ACAA1: variants seen among roughly 807,000 people sequenced by gnomAD.
The protein encoded by ACAA1 is 3-ketoacyl-CoA thiolase, peroxisomal.
Under a neutral mutation model 48.8 loss-of-function variants are expected in ACAA1, and 44 were observed. The observed-to-expected ratio is 0.90, with a 90% confidence interval of 0.71 to 1.16. The LOEUF is 1.16. ACAA1 is among the 50% of genes most tolerant of loss of function. ACAA1 has a pLI of 0.00. For missense variants in ACAA1, 512 were observed against 562.3 expected, an observed-to-expected ratio of 0.91 and a Z score of 0.90; for synonymous variants, 233 against 226.5, an observed-to-expected ratio of 1.03 and a Z score of -0.26.
chr3:38,123,151 C>A lies in ACAA1; in HGVS notation c.1200-29G>T, dbSNP rs182939941. ...TGAAAACAAAACTTAATTGGCTGGG[C>A]AAAGGCACCCACCAAATTACCTCCA... On this transcript the variant is annotated intron_variant, in intron 11 of 11. Coordinates refer to ENST00000333167, the MANE Select transcript of ACAA1 (RefSeq NM_001607.4). 2.1e-5 allele frequency: 34 copies of A among 1,609,028 alleles called. No individual in the cohort carries two copies. In the East Asian group the frequency reaches 7.1e-4, roughly 34 times the overall value.
chr3:38,122,847 T>G lies in ACAA1; in HGVS notation c.*200A>C. 1.3e-6 allele frequency: 1 copy of G among 799,376 alleles called. No individual in the cohort carries two copies. Among genetic ancestry groups the G allele is most frequent in the Non-Finnish European group, 1.9e-6 (1 of 519,634 alleles). 49.5% of individuals were successfully genotyped at this position (799,376 alleles called of 1,614,324 possible). A position where few individuals can be genotyped will look rare whatever the true frequency, so the allele number is the denominator to read the frequency against. On this transcript the variant is annotated 3_prime_UTR_variant, in exon 12 of 12. Coordinates refer to ENST00000333167, the MANE Select transcript of ACAA1 (RefSeq NM_001607.4). Reference sequence around the variant, plus strand: ...TCTTGCACAGCTAAAGAGGGTCTGATGGGTGGCTCAACACCCCACCCACTC... The same window carrying G: ...TCTTGCACAGCTAAAGAGGGTCTGAGGGGTGGCTCAACACCCCACCCACTC...
intron 5 of ACAA1, among the ~76,000 whole-genome samples, chr3:38,130,636 A>G (rs1288040728): frequency 6.6e-6 from 1 of 152,196 alleles, no homozygotes. Context: ...ACTCTCTAAG[A>G]AACTCATAAA....
rs372807762 is a variant in ACAA1, at chr3:38,123,025, C to T, written c.*22G>A. ...TAGAGCAGCAGGACTGTCTGCGTAG[C>T]GCCTCCAGCCTGGGACCTCACTCAG... On this transcript the variant is annotated 3_prime_UTR_variant, in exon 12 of 12. Transcript: ENST00000333167. 59 of 1,612,784 alleles carry T rather than the reference C, an allele frequency of 3.7e-5. No individual in the cohort carries two copies. The highest frequency in any genetic ancestry group is 8.3e-5 in the Admixed American group (5 of 59,998).
intron 2 of ACAA1, 83 bp downstream of exon 2, chr3:38,136,509 A>AT (rs1237086655): frequency 6.7e-7 from 1 of 1,500,108 alleles, no homozygotes; most frequent in African/African-American, 1.4e-5. Flanking sequence ...CCCAGTGAAA[A>AT]TTCGGGGCGG....
chr3:38,130,540 A>C (rs1700766463), intron 5 of ACAA1, among the ~76,000 whole-genome samples: 1 of 152,222 alleles, frequency 6.6e-6, no homozygotes, highest in African/African-American at 2.4e-5. Context: ...TCTATGGAGA[A>C]CAGTCAGCCT....
chr3:38,131,792 T>A (rs1700794250), intron 4 of ACAA1, 134 bp downstream of exon 4: 2 of 1,197,442 alleles, frequency 1.7e-6, no homozygotes, highest in African/African-American at 3.0e-5. Context: ...TGGGCAGTGG[T>A]AGGGGGCGCT....
intron 1 of ACAA1, 80 bp from the exon 2 acceptor site, chr3:38,136,765 C>T: frequency 6.7e-7 from 1 of 1,493,948 alleles, no homozygotes; most frequent in Non-Finnish European, 8.9e-7. Flanking sequence ...CAGCTGGGTG[C>T]GGAGCTGCCT....
At position 38,131,986 on chromosome 3, in the gene ACAA1, GCA is replaced by G; in HGVS notation, c.341_342del (p.Val114AlafsTer7). On this transcript the variant is annotated frameshift_variant, in exon 4 of 12. Transcript: ENST00000333167. LOFTEE classifies it high-confidence loss of function. ...CACTGTCTATTGACAGTGGACAAAG[GCA>G]CAGTCTCCGGGATGTCACTGAAACA... is the stretch of plus-strand genomic sequence containing the variant. ...AQFLSDIPET[V>X]PLSTVNRQCS... 1 of 1,613,768 alleles carries G rather than the reference GCA, an allele frequency of 6.2e-7. No individual in the cohort carries two copies. Among genetic ancestry groups the G allele is most frequent in the African/African-American group, 1.3e-5 (1 of 75,022 alleles).
chr3:38,127,965 T>C, intron 6 of ACAA1, 99 bp from the exon 7 acceptor site: 1 of 1,193,276 alleles, frequency 8.4e-7, no homozygotes, highest in Non-Finnish European at 1.2e-6. Flanking sequence ...TTCCCAAGGC[T>C]GTAGGCAGGA....
chr3:38,132,534 A>G (rs1166468024), intron 3 of ACAA1: 1 of 152,950 alleles, frequency 6.5e-6, no homozygotes, highest in Non-Finnish European at 1.5e-5. Context: ...TAGACGAAGC[A>G]CTCTGATGGG....
chr3:38,135,282 T>C (rs1025325431), intron 2 of ACAA1: 9 of 152,086 alleles, frequency 5.9e-5, no homozygotes, highest in Non-Finnish European at 1.5e-5. Context: ...TCTCGCAAGG[T>C]GGAGACGAGA....
rs771506328 is a variant in ACAA1 at position 38,123,032 on chromosome 3, A to C, written c.*15T>G. ...GCAGGACTGTCTGCGTAGCGCCTCCAGCCTGGGACCTCACTCAGTTCCCAG... is the reference window on the plus strand; with the variant it reads ...GCAGGACTGTCTGCGTAGCGCCTCCCGCCTGGGACCTCACTCAGTTCCCAG... On this transcript the variant is annotated 3_prime_UTR_variant, in exon 12 of 12. Coordinates refer to ENST00000333167, the MANE Select transcript of ACAA1 (RefSeq NM_001607.4). 46 of 1,613,902 alleles carry C rather than the reference A, an allele frequency of 2.9e-5. No individual in the cohort carries two copies. In the Middle Eastern group the frequency reaches 1.0e-3, roughly 35 times the overall value.
intron 6 of ACAA1, 23 bp from the exon 7 acceptor site, chr3:38,127,889 T>C (rs758606253): frequency 8.1e-6 from 13 of 1,613,590 alleles, no homozygotes; most frequent in Non-Finnish European, 1.0e-5. Flanking sequence ...CAGCAGATAG[T>C]GTGGGCATTG....
intron 2 of ACAA1, among the ~76,000 whole-genome samples, chr3:38,134,981 A>G (rs140743490): frequency 1.6e-3 from 241 of 149,832 alleles, no homozygotes; most frequent in Non-Finnish European, 2.2e-3. Context: ...TCTCGGTGTA[A>G]AGCCGACTAT....
chr3:38,133,987 G>A lies in ACAA1; in HGVS notation c.288C>T (p.Ala96=), dbSNP rs148457692. The A allele has an allele frequency of 2.1e-5, 34 of 1,614,028 alleles. No individual in the cohort carries two copies. In the East Asian group the frequency reaches 5.6e-4, roughly 26 times the overall value. The change falls in exon 3 of 12, where the codon GCC becomes GCT. Residue 96 remains alanine (A), a synonymous_variant. Transcript: ENST00000333167. ...ICVGNVLQPG[A]GAIMARIAQF... is the part of the protein sequence containing the mutation. ...GGGCGATTCGGGCCATGATTGCCCC[G>A]GCCCCAGGCTGCAGCACATTTCCTG...
rs1700658773 is a variant in ACAA1 at position 38,125,566 on chromosome 3, T to G, written c.1198A>C (p.Arg400=). ...LLNELKRRGK[R]AYGVVSMCIG... is the part of the protein sequence containing the mutation. ...CCACCGCCAGGAGCAAAGCCTTACC[T>G]CTTCCCACGGCGCTTCAGCTCATTG... The change falls in exon 11 of 12, where the codon AGG becomes CGG. Residue 400 remains arginine (R), a splice_region_variant and synonymous_variant. Coordinates refer to ENST00000333167, the MANE Select transcript of ACAA1 (RefSeq NM_001607.4). 4 of 1,543,786 alleles carry G rather than the reference T, an allele frequency of 2.6e-6. No individual in the cohort carries two copies. The South Asian group carries it at 5.1e-5, about 20-fold the overall frequency.
In ACAA1 at chr3:38,129,298, A is replaced by AATC; in HGVS notation, c.534_536dup (p.Leu178_Ile179insMet). The AATC allele has an allele frequency of 6.2e-7, 1 of 1,613,912 alleles. No individual in the cohort carries two copies. Among genetic ancestry groups the AATC allele is most frequent in the East Asian group, 2.2e-5 (1 of 44,870 alleles). On this transcript the variant is annotated inframe_insertion, in exon 6 of 12. Transcript: ENST00000333167. The surrounding 1 kb of genome is among the most constrained non-coding windows in gnomAD (Gnocchi z 5.3). ...GCTATGGGAGCACTCACCCCATAGG[A>AATC]ATCAGGCAATCTCTGGCCTTCTCCT... is the stretch of plus-strand genomic sequence containing the variant.
At chr3:38,136,053 C>G (rs1478040234) in intron 2 of ACAA1, among the ~76,000 whole-genome samples, 3 of 152,192 alleles carry the variant, frequency 2.0e-5, no homozygotes, top group African/African-American at 7.2e-5. Context: ...TGACTTTTAC[C>G]AAGCATACTG....
intron 7 of ACAA1, 123 bp downstream of exon 7, chr3:38,127,663 C>T: frequency 1.0e-6 from 1 of 958,026 alleles, no homozygotes; most frequent in Non-Finnish European, 1.6e-6. Context: ...CTGGGTGGCA[C>T]AAGGCCTGGA....
Sources: allele counts gnomAD v4.1 joint callset (sites outside exome capture counted in the v4.1 genomes callset), GRCh38; gene constraint gnomAD v4.1.1; non-coding constraint Gnocchi (gnomAD v3.1); transcripts MANE v1.5; gene names NCBI Gene and HGNC (gene_info 2026-07-23, HGNC 2026-07-21).